RAPGEF3: variants seen among roughly 807,000 people sequenced by gnomAD.
RAPGEF3 encodes Rap guanine nucleotide exchange factor 3, also known as 9330170P05Rik.
Under a neutral mutation model 129.8 loss-of-function variants are expected in RAPGEF3, and 103 were observed. The ratio of observed to expected loss-of-function variants is 0.79; its 90% CI spans 0.68 to 0.93. The LOEUF is 0.93. Among genes scored for constraint, RAPGEF3 ranks in the 40% least tolerant of loss-of-function variants. The pLI, the probability that RAPGEF3 is intolerant of heterozygous loss-of-function variation, is 0.00. For missense variants in RAPGEF3, 1,117 were observed against 1,207.4 expected, an observed-to-expected ratio of 0.93 and a Z score of 1.11; for synonymous variants, 436 against 482.6, an observed-to-expected ratio of 0.90 and a Z score of 1.26.
At position 47,747,798 on chromosome 12, in the gene RAPGEF3, G is replaced by A. The variant is rs1222318208; in HGVS notation, c.1387C>T (p.Gln463Ter). ...TGGCTGACCAGCCGCAAGATCTGCT[G>A]CCTCTTGTTGCAGACGTAGGTGCTG... is the stretch of plus-strand genomic sequence containing the variant. ...ERSTYVCNKR[Q>*]QILRLVSQWV... The change falls in exon 14 of 28, where the codon CAG becomes TAG. Residue 463 changes from glutamine (Q) to a stop codon, truncating the protein, a stop_gained. Coordinates refer to ENST00000449771, the MANE Select transcript of RAPGEF3 (RefSeq NM_001098531.4). LOFTEE classifies it high-confidence loss of function. 1 of 1,607,538 alleles carries A rather than the reference G, an allele frequency of 6.2e-7. No individual in the cohort carries two copies. The highest frequency in any genetic ancestry group is 1.1e-5 in the South Asian group (1 of 91,088).
At chr12:47,758,278 C>G in intron 1 of RAPGEF3, 200 bp from the exon 2 acceptor site, 1 of 1,430,556 alleles carries the variant, frequency 7.0e-7, no homozygotes, top group African/African-American at 1.4e-5. Context: ...TTAGGGGTCT[C>G]CAGCTGGCTC....
rs1341899923 is a variant in RAPGEF3, at chr12:47,746,807, G to A, written c.1596+53C>T. On this transcript the variant is annotated intron_variant, in intron 16 of 27. Transcript: ENST00000449771. ...CCCCTCAGGGTCAGGGGGCGAAGGAGGGGCCTGCAGTCCAGGAGGAGCAGA... is the reference window on the plus strand; with the variant it reads ...CCCCTCAGGGTCAGGGGGCGAAGGAAGGGCCTGCAGTCCAGGAGGAGCAGA... 18 of 1,536,260 alleles carry A rather than the reference G, an allele frequency of 1.2e-5. No individual in the cohort carries two copies. The Admixed American group carries it at 3.5e-4, about 30-fold the overall frequency.
At chr12:47,751,556 AG>A in intron 4 of RAPGEF3, 36 bp from the exon 5 acceptor site, 1 of 1,613,074 alleles carries the variant, frequency 6.2e-7, no homozygotes, top group Non-Finnish European at 8.5e-7. Context: ...CAGTGGAAGG[AG>A]GGTGGCAGGG....
At position 47,750,010 on chromosome 12, in the gene RAPGEF3, G is replaced by A; in HGVS notation, c.757-20C>T. 6.2e-7 allele frequency: 1 copy of A among 1,614,158 alleles called. No individual in the cohort carries two copies. Among genetic ancestry groups the A allele is most frequent in the Non-Finnish European group, 8.5e-7 (1 of 1,180,020 alleles). ...CTTCACCTGTGTGGTGGAGATAGGA[G>A]AGTCGGTGGCGACAAGTTCATGTGC... On this transcript the variant is annotated intron_variant, in intron 7 of 27. Coordinates refer to ENST00000449771, the MANE Select transcript of RAPGEF3 (RefSeq NM_001098531.4).
rs113200779 is a variant in RAPGEF3, at chr12:47,750,433, G to T, written c.672-8C>A. On this transcript the variant is annotated splice_region_variant and splice_polypyrimidine_tract_variant and intron_variant, in intron 6 of 27. Coordinates refer to ENST00000449771, the MANE Select transcript of RAPGEF3 (RefSeq NM_001098531.4). The stretch of plus-strand genomic sequence containing the variant: ...TCCGTGCGCTGACCTGGGCTGCAGG[G>T]ACAGGAGGAATGGGAGCACACTGTG... 633 of 1,611,352 alleles carry T rather than the reference G, an allele frequency of 3.9e-4. 4 individuals carry two copies. The African/African-American group carries it at 7.4e-3, about 19-fold the overall frequency.
At position 47,749,135 on chromosome 12, in the gene RAPGEF3, C is replaced by T; in HGVS notation, c.1042-204G>A. 1 of 639,566 alleles carries T rather than the reference C, an allele frequency of 1.6e-6. No homozygotes were observed. Among genetic ancestry groups the T allele is most frequent in the Non-Finnish European group, 2.7e-6 (1 of 366,566 alleles). The allele number at this position is 639,566 out of a possible 1,614,324, so 39.6% of individuals were successfully genotyped here. A position where few individuals can be genotyped will look rare whatever the true frequency, so the allele number is the denominator to read the frequency against. ...CCTCCCCCACAGCCTAGTCCCCCGC[C>T]CCCTGCATGCCCATCCTTCCCCTGG... On this transcript the variant is annotated intron_variant, in intron 10 of 27. Coordinates refer to ENST00000449771, the MANE Select transcript of RAPGEF3 (RefSeq NM_001098531.4). The surrounding 1 kb of genome is among the most constrained non-coding windows in gnomAD (Gnocchi z 4.5).
Position 47,750,333 on chromosome 12 carries a change from G to A in RAPGEF3, c.756+8C>T. On this transcript the variant is annotated splice_region_variant and intron_variant, in intron 7 of 27. Transcript: ENST00000449771. ...GTACGGGGCAGGGCTGGGAGGGGCAGGACTGACCGAGTTGGAGAGGTGGGC... is the reference window on the plus strand; with the variant it reads ...GTACGGGGCAGGGCTGGGAGGGGCAAGACTGACCGAGTTGGAGAGGTGGGC... 1.9e-6 allele frequency: 3 copies of A among 1,613,398 alleles called. No individual in the cohort carries two copies. The highest frequency in any genetic ancestry group is 1.1e-5 in the South Asian group (1 of 91,060).
At chr12:47,742,862 G>C (rs192803951) in intron 18 of RAPGEF3, among the ~76,000 whole-genome samples, 1 of 152,306 alleles carries the variant, frequency 6.6e-6, no homozygotes, top group East Asian at 1.9e-4. Flanking sequence ...AAGCTGACCT[G>C]TTTTACCTGC....
At chr12:47,739,789 A>G (rs1225963849) in intron 23 of RAPGEF3, 8 of 422,878 alleles carry the variant, frequency 1.9e-5, no homozygotes, top group Non-Finnish European at 3.1e-5. Context: ...CAGGCGCTCC[A>G]TGCCAGGCCC....
At position 47,740,923 on chromosome 12, in the gene RAPGEF3, T is replaced by TA. The variant is rs1941123046; in HGVS notation, c.2040dup (p.Ile681TyrfsTer33). On this transcript the variant is annotated frameshift_variant, in exon 20 of 28. Coordinates refer to ENST00000449771, the MANE Select transcript of RAPGEF3 (RefSeq NM_001098531.4). LOFTEE classifies it high-confidence loss of function. ...AGCTCTGCCTCCCATACCTGGTGGA[T>TA]ACTGTTGAAGAGGCTCCAGTCGTGG... The TA allele has an allele frequency of 1.2e-6, 2 of 1,613,916 alleles. No homozygotes were observed. Among genetic ancestry groups the TA allele is most frequent in the Admixed American group, 3.3e-5 (2 of 60,008 alleles).
rs1487448331 is a variant in RAPGEF3 at position 47,751,571 on chromosome 12, G to T, written c.381-51C>A. 5 of 1,611,936 alleles carry T rather than the reference G, an allele frequency of 3.1e-6. No individual in the cohort carries two copies. In the African/African-American group the frequency reaches 5.3e-5, roughly 17 times the overall value. On this transcript the variant is annotated intron_variant, in intron 4 of 27. Transcript: ENST00000449771. The stretch of plus-strand genomic sequence containing the variant: ...CAGTGGAAGGAGGGTGGCAGGGAGA[G>T]GGAGGAACTATGCATTAGAAAGGCA...
intron 2 of RAPGEF3, among the ~76,000 whole-genome samples, chr12:47,756,830 G>T (rs1034272830): frequency 2.6e-5 from 4 of 152,088 alleles, no homozygotes; most frequent in African/African-American, 9.7e-5. Flanking sequence ...TTAGCTGGGC[G>T]TGGTGGCGCA....
rs1565745043 is a variant in RAPGEF3, at chr12:47,737,184, C to T, written c.*383G>A. ...ACACATGCAGCCTCTCTCTCTCTCT[C>T]TGTCCACTGTGAAAATAAACTGCAG... On this transcript the variant is annotated 3_prime_UTR_variant, in exon 28 of 28. Transcript: ENST00000449771. The T allele has an allele frequency of 1.1e-5, 3 of 262,274 alleles. 1 individual carries two copies. The highest frequency in any genetic ancestry group is 2.2e-5 in the Non-Finnish European group (3 of 134,772). The allele number at this position is 262,274 out of a possible 1,614,324, so 16.2% of individuals were successfully genotyped here.
intron 6 of RAPGEF3, 148 bp from the exon 7 acceptor site, chr12:47,750,573 A>C (rs1474381577): frequency 2.9e-6 from 2 of 684,326 alleles, no homozygotes; most frequent in South Asian, 3.6e-5. Flanking sequence ...CTGAGTGCGC[A>C]CATGTGGCAG....
chr12:47,757,722 C>T (rs1420965637), intron 2 of RAPGEF3, 144 bp downstream of exon 2: 1 of 763,364 alleles, frequency 1.3e-6, no homozygotes, highest in Non-Finnish European at 2.1e-6. Flanking sequence ...TGCAGACAAG[C>T]TTCCTGACCC....
At chr12:47,741,647 G>T in intron 18 of RAPGEF3, 45 bp from the exon 19 acceptor site, 2 of 1,475,688 alleles carry the variant, frequency 1.4e-6, no homozygotes, top group Non-Finnish European at 1.9e-6. Flanking sequence ...AGGGAGGGAG[G>T]CCGGGGACCA....
At position 47,734,407 on chromosome 12, in the gene RAPGEF3, CAAAAGAAT is replaced by C. The variant is rs1484577514; in HGVS notation, c.*3152_*3159del. 4 of 152,196 alleles carry C rather than the reference CAAAAGAAT, an allele frequency of 2.6e-5. No homozygotes were observed. The highest frequency in any genetic ancestry group is 1.3e-4 in the Admixed American group (2 of 15,286). 9.4% of individuals were successfully genotyped at this position (152,196 alleles called of 1,614,324 possible). On this transcript the variant is annotated 3_prime_UTR_variant, in exon 28 of 28. Coordinates refer to ENST00000449771, the MANE Select transcript of RAPGEF3 (RefSeq NM_001098531.4). Reference sequence around the variant, plus strand: ...ATTTATATGCTTGGGTCTAATCCTGCAAAAGAATAAAATGTTGGGATTCAGAGAGCTGT... The same window carrying C: ...ATTTATATGCTTGGGTCTAATCCTGCAAAATGTTGGGATTCAGAGAGCTGT...
At chr12:47,748,380 G>T in intron 12 of RAPGEF3, 74 bp downstream of exon 12, 1 of 1,379,108 alleles carries the variant, frequency 7.3e-7, no homozygotes, top group South Asian at 1.2e-5. Flanking sequence ...CAGATGCAGG[G>T]TACCTGGCTC....
In RAPGEF3 at chr12:47,757,908, C is replaced by G. The variant is rs150482518; in HGVS notation, c.177G>C (p.Leu59=). The change falls in exon 2 of 28, where the codon CTG becomes CTC. Residue 59 remains leucine (L), a synonymous_variant. Transcript: ENST00000449771. ...TGCAGCTCGGACGCTGGTGCTCCAG[C>G]AGCAGCTGGTAGGAGCAGCTTCGGG... is the stretch of plus-strand genomic sequence containing the variant. The part of the protein sequence containing the change: ...HRPRSCSYQL[L]LEHQRPSCIQ... The G allele has an allele frequency of 1.9e-6, 3 of 1,557,110 alleles. No homozygotes were observed. Among genetic ancestry groups the G allele is most frequent in the Middle Eastern group, 1.9e-4 (1 of 5,316 alleles).
Sources: gnomAD v4.1 joint callset for allele counts (sites outside exome capture counted in the v4.1 genomes callset) on GRCh38, gnomAD v4.1.1 for gene constraint, Gnocchi (gnomAD v3.1) non-coding constraint, MANE v1.5 for transcripts, NCBI Gene and HGNC (gene_info 2026-07-23, HGNC 2026-07-21) for gene names.